The following STK39 variants were observed in gnomAD, a reference collection of about 807,000 sequenced individuals.
STK39 encodes serine/threonine kinase 39.
In STK39, 20 loss-of-function variants were observed where a neutral mutation model predicts 77.8. That is an observed-to-expected ratio of 0.26 (90% CI 0.18 to 0.37). The LOEUF is 0.37. Among genes scored for constraint, STK39 ranks in the 10% least tolerant of loss-of-function variants. The pLI is 1.00. For synonymous variants in STK39, 246 were observed against 234.1 expected (o/e 1.05, Z -0.47); for missense variants, 479 against 656.5 (o/e 0.73, Z 2.95).
At chr2:167,994,354 C>T (rs766770909) in intron 16 of STK39, among the ~76,000 whole-genome samples, 4 of 152,084 alleles carry the variant, frequency 2.6e-5, no homozygotes, top group Non-Finnish European at 5.9e-5. Flanking sequence ...AAAATCAATA[C>T]TACTGATTTT....
At chr2:168,142,277 T>G (rs1688002006) in intron 5 of STK39, among the ~76,000 whole-genome samples, 1 of 152,152 alleles carries the variant, frequency 6.6e-6, no homozygotes, top group African/African-American at 2.4e-5. Context: ...CTACTATATC[T>G]GCTGGAAAAA....
At chr2:168,214,506 G>C (rs568031060) in intron 1 of STK39, among the ~76,000 whole-genome samples, 29 of 152,266 alleles carry the variant, frequency 1.9e-4, no homozygotes, top group African/African-American at 5.8e-4. Flanking sequence ...GAAAGTAACT[G>C]TTTCATGGTA....
chr2:168,136,503 C>A (rs1179573585), intron 8 of STK39, among the ~76,000 whole-genome samples: 2 of 152,140 alleles, frequency 1.3e-5, no homozygotes, highest in East Asian at 3.8e-4. Context: ...ACTAACGATT[C>A]TACCCTACAG....
intron 1 of STK39, among the ~76,000 whole-genome samples, chr2:168,227,328 TTAAAA>T (rs1353761452): frequency 6.6e-6 from 1 of 152,300 alleles, no homozygotes; most frequent in East Asian, 1.9e-4. Flanking sequence ...TAAAAAACAT[TTAAAA>T]TAAAGACTAG....
In STK39 at chr2:167,992,343, A is replaced by C. The variant is rs577683584; in HGVS notation, c.1498+20291T>G. On this transcript the variant is annotated intron_variant, in intron 16 of 17. Coordinates refer to ENST00000355999, the MANE Select transcript of STK39 (RefSeq NM_013233.3). ...ACCTGCCCCCCAACAACAACAACAA[A>C]AAAACCATTTGCAGGCAAGATCAGA... 5.9e-5 allele frequency among the ~76,000 whole-genome samples: 9 copies of C among 152,238 alleles called. No homozygotes were observed. The East Asian group carries it at 7.7e-4, about 13-fold the overall frequency.
At chr2:168,067,008 G>C (rs572318128) in intron 12 of STK39, among the ~76,000 whole-genome samples, 8 of 152,220 alleles carry the variant, frequency 5.3e-5, no homozygotes, top group Non-Finnish European at 1.2e-4. Context: ...GGTCACTTGA[G>C]GCCAAGAGTT....
At chr2:168,027,291 C>G (rs555501016) in intron 14 of STK39, among the ~76,000 whole-genome samples, 26 of 152,272 alleles carry the variant, frequency 1.7e-4, no homozygotes, top group African/African-American at 5.3e-4. Flanking sequence ...GAACCACATA[C>G]TTTCCCCTCC....
At chr2:168,173,595 T>C (rs981582337) in intron 2 of STK39, among the ~76,000 whole-genome samples, 3 of 152,114 alleles carry the variant, frequency 2.0e-5, no homozygotes, top group Non-Finnish European at 2.9e-5. Context: ...TTGCTCCTTG[T>C]TGCCCAGGCT....
chr2:167,959,221 C>T (rs1308123027), intron 17 of STK39, among the ~76,000 whole-genome samples: 1 of 151,848 alleles, frequency 6.6e-6, no homozygotes, highest in Non-Finnish European at 1.5e-5. Context: ...CGGGTTCAAG[C>T]GATTCTCTTG....
chr2:168,002,078 C>A (rs1327015546), intron 16 of STK39, among the ~76,000 whole-genome samples: 2 of 152,214 alleles, frequency 1.3e-5, no homozygotes, highest in Middle Eastern at 3.2e-3. Flanking sequence ...AAGCAAGACT[C>A]TACTGACTTA....
At chr2:168,085,278 G>A (rs938539627) in intron 10 of STK39, among the ~76,000 whole-genome samples, 14 of 152,316 alleles carry the variant, frequency 9.2e-5, no homozygotes, top group African/African-American at 3.4e-4. Context: ...TGAGAGGGGA[G>A]CCAAGAGCCT....
chr2:168,110,494 TC>T (rs1184841373), intron 10 of STK39, among the ~76,000 whole-genome samples: 1 of 152,184 alleles, frequency 6.6e-6, no homozygotes, highest in Non-Finnish European at 1.5e-5. Context: ...TGCCTTAGCC[TC>T]CCAAAGTGCT....
chr2:168,194,179 C>T (rs551585463), intron 1 of STK39, among the ~76,000 whole-genome samples: 410 of 152,178 alleles, frequency 2.7e-3, no homozygotes, highest in Non-Finnish European at 4.3e-3. Flanking sequence ...TTTGGGAGGC[C>T]GACATAGGCA....
At chr2:168,033,408 A>G (rs886680545) in intron 14 of STK39, among the ~76,000 whole-genome samples, 3 of 152,214 alleles carry the variant, frequency 2.0e-5, no homozygotes, top group Non-Finnish European at 4.4e-5. Flanking sequence ...ATTCCTCCTG[A>G]GCAGTGAGCC....
intron 10 of STK39, among the ~76,000 whole-genome samples, chr2:168,092,908 C>T (rs1053774456): frequency 6.6e-6 from 1 of 152,216 alleles, no homozygotes; most frequent in Admixed American, 6.5e-5. Flanking sequence ...AGGCTACGCA[C>T]TCCCAGGGTA....
At chr2:168,163,916 C>T (rs1214992415) in intron 3 of STK39, 36 bp from the exon 4 acceptor site, 1 of 1,599,280 alleles carries the variant, frequency 6.3e-7, no homozygotes, top group South Asian at 1.1e-5. Context: ...AACATAAGCA[C>T]CTTCATCACC....
chr2:168,231,894 T>A (rs572088913), intron 1 of STK39: 1 of 234,838 alleles, frequency 4.3e-6, no homozygotes, highest in South Asian at 8.0e-5. Context: ...CAGCTTGATG[T>A]GGGGGGAGGA....
At chr2:168,104,871 T>C (rs1686927797) in intron 10 of STK39, among the ~76,000 whole-genome samples, 1 of 152,168 alleles carries the variant, frequency 6.6e-6, no homozygotes, top group Non-Finnish European at 1.5e-5. Context: ...TTGTTTGTAA[T>C]TGCAAACATT....
intron 12 of STK39, among the ~76,000 whole-genome samples, chr2:168,071,818 C>T (rs936986528): frequency 8.0e-5 from 12 of 149,672 alleles, no homozygotes; most frequent in African/African-American, 3.0e-4. Flanking sequence ...TGCAGAGAGC[C>T]GAGATTGCGC....
Sources: allele counts gnomAD v4.1 joint callset (sites outside exome capture counted in the v4.1 genomes callset), GRCh38; gene constraint gnomAD v4.1.1; transcripts MANE v1.5; gene names NCBI Gene and HGNC (gene_info 2026-07-23, HGNC 2026-07-21).